ME1: variants seen among roughly 807,000 people sequenced by gnomAD.
ME1 encodes NADP-dependent malic enzyme.
ME1 carries 74 observed loss-of-function variants against 66.4 expected under a neutral mutation model. The observed-to-expected ratio is 1.11, with a 90% CI of 0.92 to 1.35. ME1 has a LOEUF of 1.35. Among genes scored for constraint, ME1 ranks in the 40% most tolerant of loss-of-function variants. The pLI is 0.00. For missense variants in ME1, 750 were observed against 694.1 expected (o/e 1.08, Z -0.90); for synonymous variants, 251 against 235.6 (o/e 1.07, Z -0.60).
chr6:83,308,839 G>A (rs1767875737), intron 6 of ME1, among the ~76,000 whole-genome samples: 1 of 151,896 alleles, frequency 6.6e-6, no homozygotes, highest in African/African-American at 2.4e-5. Flanking sequence ...AGGAAAGTGG[G>A]CTGAGGGTAA....
intron 3 of ME1, among the ~76,000 whole-genome samples, chr6:83,376,100 G>A (rs895232697): frequency 8.6e-5 from 13 of 151,826 alleles, no homozygotes; most frequent in African/African-American, 3.1e-4. Flanking sequence ...TTTTTAAATA[G>A]ATAAATCATT....
intron 2 of ME1, among the ~76,000 whole-genome samples, chr6:83,405,876 T>C (rs2128551728): frequency 6.6e-6 from 1 of 151,852 alleles, no homozygotes; most frequent in East Asian, 1.9e-4. Flanking sequence ...CGCCCGCCAC[T>C]ATGCCCGGCT....
intron 3 of ME1, among the ~76,000 whole-genome samples, chr6:83,364,349 G>C (rs1769059892): frequency 6.6e-6 from 1 of 152,118 alleles, no homozygotes; most frequent in South Asian, 2.1e-4. Flanking sequence ...ACAGCCTATT[G>C]TAGGACCTTG....
At chr6:83,313,774 A>G (rs1012027203) in intron 6 of ME1, among the ~76,000 whole-genome samples, 5 of 146,428 alleles carry the variant, frequency 3.4e-5, no homozygotes, top group Non-Finnish European at 7.6e-5. Context: ...CTCAAACTGC[A>G]GAGTTTCTCA....
intron 11 of ME1, among the ~76,000 whole-genome samples, chr6:83,224,699 AAAAAT>A (rs1790155872): frequency 9.5e-6 from 1 of 105,572 alleles, no homozygotes; most frequent in Non-Finnish European, 1.8e-5. Flanking sequence ...AAAAAAAAAT[AAAAAT>A]AATAATAATA....
intron 2 of ME1, among the ~76,000 whole-genome samples, chr6:83,401,705 T>C (rs572920763): frequency 1.4e-3 from 211 of 152,300 alleles, no homozygotes; most frequent in African/African-American, 4.9e-3. Context: ...GTGGCAGGGA[T>C]AGAGGTTATG....
intron 7 of ME1, among the ~76,000 whole-genome samples, chr6:83,247,583 T>G (rs1186762393): frequency 6.6e-6 from 1 of 152,124 alleles, no homozygotes; most frequent in Non-Finnish European, 1.5e-5. Flanking sequence ...CACATTTATT[T>G]ACATGGTAAG....
At chr6:83,291,640 T>C (rs995437873) in intron 6 of ME1, among the ~76,000 whole-genome samples, 10 of 152,152 alleles carry the variant, frequency 6.6e-5, no homozygotes, top group African/African-American at 2.4e-4. Flanking sequence ...GTGTTCTCTG[T>C]ATTTCCTGAA....
At chr6:83,413,835 A>G (rs1489765689) in intron 1 of ME1, among the ~76,000 whole-genome samples, 1 of 152,158 alleles carries the variant, frequency 6.6e-6, no homozygotes, top group Non-Finnish European at 1.5e-5. Context: ...TTGGCTGGGC[A>G]TGATGCCTCA....
At chr6:83,330,403 AT>A (rs1234386595) in intron 5 of ME1, among the ~76,000 whole-genome samples, 1 of 152,204 alleles carries the variant, frequency 6.6e-6, no homozygotes, top group Non-Finnish European at 1.5e-5. Context: ...TACCACTAAA[AT>A]GTCAGCATGC....
At chr6:83,226,429 C>CA (rs1790200050) in intron 11 of ME1, among the ~76,000 whole-genome samples, 1 of 151,884 alleles carries the variant, frequency 6.6e-6, no homozygotes, top group Non-Finnish European at 1.5e-5. Flanking sequence ...GCTGAAAGGA[C>CA]TTTTTTTTCC....
At chr6:83,393,257 C>G in intron 3 of ME1, 5 of 1,164,040 alleles carry the variant, frequency 4.3e-6, no homozygotes, top group Non-Finnish European at 5.1e-6. Context: ...TCTCCTCCAA[C>G]TTCAACAGAC....
chr6:83,410,181 GA>G (rs1279343096), intron 1 of ME1, among the ~76,000 whole-genome samples: 5 of 152,016 alleles, frequency 3.3e-5, no homozygotes, highest in Non-Finnish European at 7.4e-5. Flanking sequence ...AACAGTGCCT[GA>G]CATAAATAGA....
At chr6:83,216,068 G>T (rs1789987755) in intron 13 of ME1, among the ~76,000 whole-genome samples, 1 of 152,088 alleles carries the variant, frequency 6.6e-6, no homozygotes, top group Non-Finnish European at 1.5e-5. Flanking sequence ...GTTGTGATCT[G>T]TCATTTATGA....
At chr6:83,407,945 G>A (rs761670404) in intron 1 of ME1, 44 bp from the exon 2 acceptor site, 19 of 1,515,870 alleles carry the variant, frequency 1.3e-5, no homozygotes, top group African/African-American at 5.6e-5. Context: ...GTATTTGAGA[G>A]GAAAATAGAC....
intron 4 of ME1, among the ~76,000 whole-genome samples, chr6:83,348,155 T>C (rs1249728962): frequency 6.6e-6 from 1 of 152,228 alleles, no homozygotes. Flanking sequence ...AGTGGATCAA[T>C]ATGTGATGCT....
At chr6:83,229,113 T>A in intron 9 of ME1, 182 bp from the exon 10 acceptor site, 1 of 613,684 alleles carries the variant, frequency 1.6e-6, no homozygotes, top group East Asian at 3.0e-5. Context: ...AACAAATATT[T>A]ATATGTCAAT....
chr6:83,334,385 G>C lies in ME1; in HGVS notation c.600+11788C>G, dbSNP rs1481507917. On this transcript the variant is annotated intron_variant, in intron 5 of 13. Coordinates refer to ENST00000369705, the MANE Select transcript of ME1 (RefSeq NM_002395.6). ...AAACTGCAAGGCGGCAACGAGGCTG[G>C]GGGAGGGGCGCCCGCCATTGCCCAG... Among the ~76,000 whole-genome samples, 503 of 80,298 alleles carry C rather than the reference G, an allele frequency of 6.3e-3. 7 individuals are homozygous for C. The highest frequency in any genetic ancestry group is 8.8e-3 in the Non-Finnish European group (353 of 40,314). The allele number at this position is 80,298 out of a possible 152,430, so 52.7% of individuals were successfully genotyped here.
At chr6:83,255,347 T>C (rs774225068) in intron 6 of ME1, among the ~76,000 whole-genome samples, 8 of 151,984 alleles carry the variant, frequency 5.3e-5, no homozygotes, top group Non-Finnish European at 1.2e-4. Flanking sequence ...GCTTTTCTAA[T>C]CTAGTACACT....
Sources: gnomAD v4.1 joint callset for allele counts (sites outside exome capture counted in the v4.1 genomes callset) on GRCh38, gnomAD v4.1.1 for gene constraint, MANE v1.5 for transcripts, NCBI Gene and HGNC (gene_info 2026-07-23, HGNC 2026-07-21) for gene names.